Variants in SYNE1 observed in about 807,000 individuals in gnomAD.
The protein encoded by SYNE1 is spectrin repeat containing nuclear envelope protein 1.
SYNE1 carries 616 observed loss-of-function variants against 1,111.0 expected under a neutral mutation model. The observed-to-expected ratio is 0.55, with a 90% CI of 0.52 to 0.59. The LOEUF is 0.59. Ranked by LOEUF, SYNE1 falls within the 20% of genes least tolerant of loss-of-function variation. SYNE1 has a pLI of 0.00. For synonymous variants in SYNE1, 3,855 were observed against 3,825.8 expected (o/e 1.01, Z -0.28); for missense variants, 10,006 against 10,417.0 (o/e 0.96, Z 1.72).
At chr6:152,355,939 A>G (rs1590945169) in intron 66 of SYNE1, among the ~76,000 whole-genome samples, 1 of 152,262 alleles carries the variant, frequency 6.6e-6, no homozygotes, top group African/African-American at 2.4e-5. Context: ...TGTCACTTCA[A>G]GCACAGTATA....
intron 69 of SYNE1, 53 bp from the exon 70 acceptor site, chr6:152,352,406 TTC>T (rs2096756916): frequency 6.6e-7 from 1 of 1,511,812 alleles, no homozygotes; most frequent in Non-Finnish European, 8.8e-7. Context: ...TTTCTTTTCT[TTC>T]TTTTTTTTTT....
At chr6:152,141,180 T>G in intron 139 of SYNE1, 23 bp downstream of exon 139, 1 of 1,614,068 alleles carries the variant, frequency 6.2e-7, no homozygotes. Flanking sequence ...CATTCACTCT[T>G]GAACTGGATG....
At chr6:152,146,330 AAG>A (rs1335560870) in intron 137 of SYNE1, 1 of 152,222 alleles carries the variant, frequency 6.6e-6, no homozygotes, top group Non-Finnish European at 1.5e-5. Flanking sequence ...GAAATGTAAA[AAG>A]AAACTTATAA....
In SYNE1 at chr6:152,151,938, C is replaced by T. The variant is rs757087536; in HGVS notation, c.24312+21G>A. ...GTCCCATCCTCTGGCCTCTAAATTACAGATGAGGCATAGCAAAAACCTTGA... is the reference window on the plus strand; with the variant it reads ...GTCCCATCCTCTGGCCTCTAAATTATAGATGAGGCATAGCAAAAACCTTGA... On this transcript the variant is annotated intron_variant, in intron 134 of 145. Coordinates refer to ENST00000367255, the MANE Select transcript of SYNE1 (RefSeq NM_182961.4). 1.3e-5 allele frequency: 21 copies of T among 1,613,324 alleles called. No individual in the cohort carries two copies. In the South Asian group the frequency reaches 2.0e-4, roughly 15 times the overall value.
At chr6:152,574,998 A>G (rs2099490715) in intron 3 of SYNE1, among the ~76,000 whole-genome samples, 1 of 152,220 alleles carries the variant, frequency 6.6e-6, no homozygotes, top group Admixed American at 6.5e-5. Flanking sequence ...AACCATTGGA[A>G]TTATGCTTTC....
chr6:152,393,975 T>C (rs985372755), intron 51 of SYNE1, among the ~76,000 whole-genome samples: 1 of 152,162 alleles, frequency 6.6e-6, no homozygotes, highest in African/African-American at 2.4e-5. Context: ...ATCCTTCCCC[T>C]AAGCCCCCAT....
intron 42 of SYNE1, among the ~76,000 whole-genome samples, chr6:152,410,625 G>T (rs2098015762): frequency 6.6e-6 from 1 of 152,124 alleles, no homozygotes. Flanking sequence ...ATCCTACTTA[G>T]GAGGCTAAGG....
chr6:152,168,719 AAG>A (rs1186220101), intron 130 of SYNE1, among the ~76,000 whole-genome samples: 1 of 152,166 alleles, frequency 6.6e-6, no homozygotes, highest in African/African-American at 2.4e-5. Context: ...TAGTGTATGC[AAG>A]AGTTTTAGGG....
intron 112 of SYNE1, 80 bp downstream of exon 112, chr6:152,233,701 G>T: frequency 1.9e-6 from 3 of 1,544,530 alleles, no homozygotes; most frequent in Non-Finnish European, 1.8e-6. Context: ...ATAAATTTGT[G>T]AGCAAAAGCA....
At chr6:152,395,036 G>A (rs1272623049) in intron 51 of SYNE1, among the ~76,000 whole-genome samples, 1 of 151,970 alleles carries the variant, frequency 6.6e-6, no homozygotes, top group Non-Finnish European at 1.5e-5. Context: ...GCCTGCCTCG[G>A]CCTCCCAAAG....
chr6:152,262,706 A>G (rs1299605662), intron 100 of SYNE1, among the ~76,000 whole-genome samples: 2 of 145,298 alleles, frequency 1.4e-5, no homozygotes, highest in South Asian at 2.2e-4. Context: ...ATAGTACAGG[A>G]CCTGGGAAGG....
rs188906314 is a variant in SYNE1, at chr6:152,326,185, A to G, written c.15294-83T>C. The G allele has an allele frequency of 8.1e-6, 13 of 1,612,586 alleles. No homozygotes were observed. The Admixed American group carries it at 2.0e-4, about 25-fold the overall frequency. ...AGCTCTGGTGTCAGTATGTCTAATG[A>G]TACTCAGGGAAAAATGAATTTACGT... On this transcript the variant is annotated intron_variant, in intron 79 of 145. Coordinates refer to ENST00000367255, the MANE Select transcript of SYNE1 (RefSeq NM_182961.4).
intron 53 of SYNE1, among the ~76,000 whole-genome samples, chr6:152,388,697 G>A (rs904171931): frequency 2.0e-5 from 3 of 152,222 alleles, no homozygotes. Flanking sequence ...AGCTTTTAGA[G>A]GGCAAAAACC....
At chr6:152,296,025 CA>C (rs1160170990) in intron 93 of SYNE1, among the ~76,000 whole-genome samples, 1 of 152,210 alleles carries the variant, frequency 6.6e-6, no homozygotes, top group Non-Finnish European at 1.5e-5. Flanking sequence ...TTCTCCCTTT[CA>C]TTTCATAATC....
At chr6:152,181,015 C>T (rs1375835503) in intron 128 of SYNE1, among the ~76,000 whole-genome samples, 1 of 144,172 alleles carries the variant, frequency 6.9e-6, no homozygotes, top group African/African-American at 2.6e-5. Flanking sequence ...CAGTTCAGTG[C>T]TTTTGGGTAT....
chr6:152,165,381 G>A (rs569726956), intron 130 of SYNE1, among the ~76,000 whole-genome samples: 10 of 151,960 alleles, frequency 6.6e-5, no homozygotes, highest in South Asian at 2.1e-4. Flanking sequence ...CAACATGATC[G>A]CTTTTCCTTT....
intron 115 of SYNE1, among the ~76,000 whole-genome samples, chr6:152,230,315 AC>A (rs2082493947): frequency 6.6e-6 from 1 of 152,216 alleles, no homozygotes; most frequent in African/African-American, 2.4e-5. Context: ...CTCTCTACTT[AC>A]GAGTATGTTT....
intron 126 of SYNE1, 45 bp from the exon 127 acceptor site, chr6:152,201,994 G>C: frequency 6.2e-7 from 1 of 1,606,704 alleles, no homozygotes; most frequent in African/African-American, 1.3e-5. Flanking sequence ...TTTTGATGTA[G>C]GAAACTGGGG....
chr6:152,360,666 A>G (rs1038489210), intron 64 of SYNE1, among the ~76,000 whole-genome samples: 1 of 152,218 alleles, frequency 6.6e-6, no homozygotes, highest in Admixed American at 6.5e-5. Flanking sequence ...CACAGTCCCT[A>G]CATGTAGCAA....
Sources: allele counts gnomAD v4.1 joint callset (sites outside exome capture counted in the v4.1 genomes callset), GRCh38; gene constraint gnomAD v4.1.1; transcripts MANE v1.5; gene names NCBI Gene and HGNC (gene_info 2026-07-23, HGNC 2026-07-21).